Variants in TMEM161B observed in about 807,000 individuals in gnomAD.
TMEM161B encodes transmembrane protein 161B.
Under a neutral mutation model 61.8 loss-of-function variants are expected in TMEM161B, and 34 were observed. That is an observed-to-expected ratio of 0.55 (90% CI 0.42 to 0.73). The LOEUF is 0.73. Among genes scored for constraint, TMEM161B ranks in the 30% least tolerant of loss-of-function variants. TMEM161B has a pLI of 0.00. For synonymous variants in TMEM161B, 167 were observed against 192.8 expected, an observed-to-expected ratio of 0.87 and a Z score of 1.11; for missense variants, 456 against 558.5, an observed-to-expected ratio of 0.82 and a Z score of 1.85.
intron 8 of TMEM161B, among the ~76,000 whole-genome samples, chr5:88,204,750 A>C (rs1230309747): frequency 6.6e-6 from 1 of 151,926 alleles, no homozygotes; most frequent in Non-Finnish European, 1.5e-5. Flanking sequence ...ACTGAGTAAA[A>C]GGAGAAAAAA....
downstream of TMEM161B, among the ~76,000 whole-genome samples, chr5:88,190,955 T>C (rs911769651): frequency 2.6e-5 from 4 of 152,204 alleles, no homozygotes; most frequent in Admixed American, 2.0e-4. Context: ...GCTAAAAACA[T>C]ATTGTTTTAA....
Position 88,196,042 on chromosome 5 carries a change from C to T in TMEM161B, c.*169G>A, listed in dbSNP as rs1190092785. On this transcript the variant is annotated 3_prime_UTR_variant, in exon 12 of 12. Transcript: ENST00000296595. Reference sequence around the variant, plus strand: ...ATCTATTTTGTAATTTTAAATATTACTACATTAATTCACCCTGAGAATACA... The same window carrying T: ...ATCTATTTTGTAATTTTAAATATTATTACATTAATTCACCCTGAGAATACA... 7.2e-7 allele frequency: 1 copy of T among 1,396,792 alleles called. No homozygotes were observed. The highest frequency in any genetic ancestry group is 9.3e-7 in the Non-Finnish European group (1 of 1,079,920). The allele number at this position is 1,396,792 out of a possible 1,614,324, so 86.5% of individuals were successfully genotyped here. A position where few individuals can be genotyped will look rare whatever the true frequency, so the allele number is the denominator to read the frequency against.
At chr5:88,225,047 A>G (rs1749785030) in intron 4 of TMEM161B, among the ~76,000 whole-genome samples, 1 of 139,016 alleles carries the variant, frequency 7.2e-6, no homozygotes, top group African/African-American at 2.7e-5. Context: ...GGCTCACTGC[A>G]ACCTCCGCCT....
chr5:88,204,365 G>T (rs1161505069), intron 8 of TMEM161B, among the ~76,000 whole-genome samples: 1 of 152,004 alleles, frequency 6.6e-6, no homozygotes, highest in Non-Finnish European at 1.5e-5. Context: ...TTAAAATGAA[G>T]CCACATTTTA....
chr5:88,262,505 T>A (rs1362732738), intron 1 of TMEM161B, among the ~76,000 whole-genome samples: 4 of 152,154 alleles, frequency 2.6e-5, no homozygotes, highest in African/African-American at 9.7e-5. Context: ...AACCAAGATA[T>A]CCCTCAGTAG....
At chr5:88,217,542 G>A (rs1389877680) in intron 5 of TMEM161B, among the ~76,000 whole-genome samples, 1 of 146,100 alleles carries the variant, frequency 6.8e-6, no homozygotes, top group East Asian at 2.1e-4. Flanking sequence ...GCTGGTTACT[G>A]AATGTGTGTG....
chr5:88,206,396 A>G, intron 7 of TMEM161B, 43 bp downstream of exon 7: 1 of 1,467,504 alleles, frequency 6.8e-7, no homozygotes, highest in South Asian at 1.3e-5. Context: ...TTAAAAATAG[A>G]AAAGGTTAAA....
chr5:88,237,382 G>A (rs1299696500), intron 2 of TMEM161B, among the ~76,000 whole-genome samples: 4 of 152,056 alleles, frequency 2.6e-5, no homozygotes, highest in Admixed American at 6.6e-5. Flanking sequence ...TCTAGCAGGG[G>A]ACTCCAAGGT....
chr5:88,262,500 A>C (rs1755807414), intron 1 of TMEM161B, among the ~76,000 whole-genome samples: 1 of 152,212 alleles, frequency 6.6e-6, no homozygotes, highest in Admixed American at 6.5e-5. Context: ...GAAGCAACCA[A>C]GATATCCCTC....
chr5:88,227,950 G>A (rs1413902645), intron 3 of TMEM161B, among the ~76,000 whole-genome samples: 4 of 152,188 alleles, frequency 2.6e-5, no homozygotes, highest in Admixed American at 2.6e-4. Context: ...AGGTCAATTA[G>A]TAGGTAGTTC....
chr5:88,197,660 C>T lies in TMEM161B; in HGVS notation c.1186+9G>A. The T allele has an allele frequency of 6.2e-7, 1 of 1,607,980 alleles. No homozygotes were observed. The highest frequency in any genetic ancestry group is 8.5e-7 in the Non-Finnish European group (1 of 1,176,634). ...AAAAGATGCTTCCTAGTTGCCAGGGCATGCCTACCTAGTGTTTTCAAAAGC... is the reference window on the plus strand; with the variant it reads ...AAAAGATGCTTCCTAGTTGCCAGGGTATGCCTACCTAGTGTTTTCAAAAGC... On this transcript the variant is annotated intron_variant, in intron 11 of 11. Transcript: ENST00000296595.
At chr5:88,185,737 A>T (rs987518123), downstream of TMEM161B, among the ~76,000 whole-genome samples, 6 of 152,236 alleles carry the variant, frequency 3.9e-5, no homozygotes, top group African/African-American at 1.2e-4. Flanking sequence ...TGCCAAAAAT[A>T]AAAAGACAAA....
chr5:88,220,445 A>T, intron 5 of TMEM161B, 118 bp downstream of exon 5: 1 of 867,348 alleles, frequency 1.2e-6, no homozygotes, highest in Non-Finnish European at 1.6e-6. Flanking sequence ...CAATTACATA[A>T]AAAAGATTTC....
downstream of TMEM161B, among the ~76,000 whole-genome samples, chr5:88,193,113 T>C (rs1371920150): frequency 2.0e-5 from 3 of 152,150 alleles, no homozygotes; most frequent in Admixed American, 6.5e-5. Flanking sequence ...AATACTGATA[T>C]AATAAAAATG....
At chr5:88,197,305 T>C (rs1474446139) in intron 11 of TMEM161B, among the ~76,000 whole-genome samples, 1 of 152,190 alleles carries the variant, frequency 6.6e-6, no homozygotes, top group Non-Finnish European at 1.5e-5. Context: ...GTAATTTATG[T>C]AAGTTTATAA....
At chr5:88,214,670 C>T (rs532652982) in intron 5 of TMEM161B, among the ~76,000 whole-genome samples, 12 of 152,300 alleles carry the variant, frequency 7.9e-5, no homozygotes, top group Non-Finnish European at 1.5e-4. Flanking sequence ...ACTAGAAATA[C>T]TCCATCCTCA....
chr5:88,195,319 A>G lies in TMEM161B; in HGVS notation c.*892T>C. The G allele has an allele frequency of 1.2e-6, 1 of 841,510 alleles. No individual in the cohort carries two copies. The highest frequency in any genetic ancestry group is 6.3e-5 in the Admixed American group (1 of 15,764). 52.1% of individuals were successfully genotyped at this position (841,510 alleles called of 1,614,324 possible). ...TACATTCTGCAACTTAAAATATTAT[A>G]AGGATTCAATATTTTCATCTTTTAT... On this transcript the variant is annotated 3_prime_UTR_variant, in exon 12 of 12. Transcript: ENST00000296595.
chr5:88,192,010 A>G (rs1347510199), downstream of TMEM161B, among the ~76,000 whole-genome samples: 1 of 90,982 alleles, frequency 1.1e-5, no homozygotes, highest in African/African-American at 4.8e-5. Context: ...ATATATATAT[A>G]TATATATATA....
intron 1 of TMEM161B, among the ~76,000 whole-genome samples, chr5:88,262,696 A>C (rs1189405455): frequency 6.6e-6 from 1 of 152,180 alleles, no homozygotes; most frequent in Non-Finnish European, 1.5e-5. Flanking sequence ...CATAGAATGT[A>C]CAACACCAAG....
Sources: gnomAD v4.1 joint callset for allele counts (sites outside exome capture counted in the v4.1 genomes callset) on GRCh38, gnomAD v4.1.1 for gene constraint, MANE v1.5 for transcripts, NCBI Gene and HGNC (gene_info 2026-07-23, HGNC 2026-07-21) for gene names.